Variants in CKAP5 observed in about 807,000 individuals in gnomAD.
CKAP5 encodes cytoskeleton associated protein 5, also known as cytoskeleton-associated protein 5.
In CKAP5, 27 loss-of-function variants were observed where a neutral mutation model predicts 232.8. The ratio of observed to expected loss-of-function variants is 0.12; its 90% CI spans 0.09 to 0.16. The LOEUF (loss-of-function observed/expected upper bound fraction) is 0.16. Among genes scored for constraint, CKAP5 ranks in the 10% least tolerant of loss-of-function variants. CKAP5 has a pLI of 1.00. For missense variants in CKAP5, 1,838 were observed against 2,424.7 expected (o/e 0.76, Z 5.08); for synonymous variants, 785 against 841.1 (o/e 0.93, Z 1.16).
intron 3 of CKAP5, among the ~76,000 whole-genome samples, chr11:46,816,972 G>T (rs1415776695): frequency 2.6e-5 from 4 of 151,908 alleles, no homozygotes; most frequent in Non-Finnish European, 5.9e-5. Context: ...CAGGTGTGGT[G>T]GCGCATGCCT....
intron 1 of CKAP5, among the ~76,000 whole-genome samples, chr11:46,828,035 G>A (rs1939695276): frequency 6.6e-6 from 1 of 152,202 alleles, no homozygotes; most frequent in African/African-American, 2.4e-5. Flanking sequence ...AAAGCCTTGG[G>A]CCATCATCAG....
chr11:46,778,975 G>A (rs560078389), intron 20 of CKAP5, among the ~76,000 whole-genome samples: 187 of 152,224 alleles, frequency 1.2e-3, no homozygotes, highest in Non-Finnish European at 2.2e-3. Flanking sequence ...CCCAGCTGAG[G>A]AGGCTGAGGC....
chr11:46,825,602 T>C (rs1278315377), intron 1 of CKAP5, among the ~76,000 whole-genome samples: 1 of 152,152 alleles, frequency 6.6e-6, no homozygotes, highest in Non-Finnish European at 1.5e-5. Flanking sequence ...ACAAGAGATC[T>C]GAATTTGATT....
chr11:46,834,246 C>T (rs1040141301), intron 1 of CKAP5, among the ~76,000 whole-genome samples: 1 of 152,128 alleles, frequency 6.6e-6, no homozygotes, highest in Non-Finnish European at 1.5e-5. Flanking sequence ...TGGCCTGGTG[C>T]GGTGGCTCAC....
intron 27 of CKAP5, among the ~76,000 whole-genome samples, chr11:46,766,547 C>CATGT (rs2065204082): frequency 6.6e-6 from 1 of 152,156 alleles, no homozygotes; most frequent in Non-Finnish European, 1.5e-5. Flanking sequence ...TGTAATAATA[C>CATGT]ATGTACTGGT....
At chr11:46,764,573 AATATAC>A (rs1221394162) in intron 28 of CKAP5, among the ~76,000 whole-genome samples, 1 of 152,232 alleles carries the variant, frequency 6.6e-6, no homozygotes, top group East Asian at 1.9e-4. Context: ...GCTATATAAA[AATATAC>A]ATATGATAGT....
intron 32 of CKAP5, among the ~76,000 whole-genome samples, chr11:46,761,091 G>A (rs919648437): frequency 1.3e-5 from 2 of 151,690 alleles, no homozygotes; most frequent in African/African-American, 4.8e-5. Flanking sequence ...TATACATAAA[G>A]TATAAAAATA....
At chr11:46,760,829 A>G (rs371928066) in intron 32 of CKAP5, 45 bp from the exon 33 acceptor site, 19 of 1,526,652 alleles carry the variant, frequency 1.2e-5, no homozygotes, top group African/African-American at 4.1e-5. Flanking sequence ...TAACACAATA[A>G]TATCTATTTT....
In CKAP5 at chr11:46,767,559, TAC is replaced by T; in HGVS notation, c.3411+14_3411+15del. ...TTAAAAGCAAGTCTACATCGAAGTA[TAC>T]AGAGTTAACATACCTTTGCTTTAGA... On this transcript the variant is annotated intron_variant, in intron 27 of 43. Coordinates refer to ENST00000529230, the MANE Select transcript of CKAP5 (RefSeq NM_001008938.4). 1 of 1,549,544 alleles carries T rather than the reference TAC, an allele frequency of 6.5e-7. No individual in the cohort carries two copies. Among genetic ancestry groups the T allele is most frequent in the Non-Finnish European group, 8.9e-7 (1 of 1,124,038 alleles).
chr11:46,834,637 A>C (rs901577264), intron 1 of CKAP5, among the ~76,000 whole-genome samples: 1 of 151,970 alleles, frequency 6.6e-6, no homozygotes, highest in Admixed American at 6.6e-5. Flanking sequence ...CAAGCAATCT[A>C]TTCCTTTTCA....
intron 4 of CKAP5, among the ~76,000 whole-genome samples, chr11:46,814,129 C>T (rs60106885): frequency 4.4e-5 from 2 of 45,726 alleles, no homozygotes; most frequent in African/African-American, 1.5e-4. Flanking sequence ...GAGACCTTGT[C>T]TCAAAAAAAA....
intron 35 of CKAP5, among the ~76,000 whole-genome samples, chr11:46,755,664 C>T (rs551601343): frequency 1.3e-4 from 20 of 151,794 alleles, no homozygotes; most frequent in East Asian, 9.7e-4. Context: ...CACAGTGGCT[C>T]ACATCTGTAA....
chr11:46,788,074 A>G (rs1323218970), intron 16 of CKAP5, among the ~76,000 whole-genome samples: 1 of 152,230 alleles, frequency 6.6e-6, no homozygotes, highest in East Asian at 1.9e-4. Context: ...TATACAATAC[A>G]TGTACCATTC....
chr11:46,785,005 C>G (rs1424688727), intron 16 of CKAP5, among the ~76,000 whole-genome samples: 1 of 152,064 alleles, frequency 6.6e-6, no homozygotes, highest in Non-Finnish European at 1.5e-5. Flanking sequence ...AATACACACC[C>G]TAAAATACAC....
intron 5 of CKAP5, 89 bp downstream of exon 5, chr11:46,810,918 T>C (rs1017278420): frequency 1.6e-5 from 19 of 1,177,752 alleles, no homozygotes; most frequent in Admixed American, 7.9e-5. Flanking sequence ...AAAATAATTA[T>C]TTTTAAGGAC....
intron 9 of CKAP5, among the ~76,000 whole-genome samples, chr11:46,800,535 C>T (rs983764493): frequency 2.0e-5 from 3 of 152,020 alleles, no homozygotes; most frequent in African/African-American, 7.2e-5. Flanking sequence ...TAATGCAGAC[C>T]GGATTTAGAG....
intron 12 of CKAP5, among the ~76,000 whole-genome samples, chr11:46,796,263 G>A (rs577401108): frequency 5.3e-5 from 8 of 150,844 alleles, no homozygotes; most frequent in Admixed American, 4.6e-4. Flanking sequence ...ATAGACATAC[G>A]TAAGATATTA....
intron 20 of CKAP5, among the ~76,000 whole-genome samples, chr11:46,779,129 TA>T (rs1412546840): frequency 1.3e-5 from 2 of 151,838 alleles, no homozygotes; most frequent in East Asian, 1.9e-4. Flanking sequence ...AAACAAAACA[TA>T]AAAATTTTTT....
chr11:46,751,367 T>C lies in CKAP5; in HGVS notation c.5301A>G (p.Leu1767=). ...IRTLKTLLHT[L]CKLKGPKILD... ...TCACCTTGGGCCCTTTTAATTTGCA[T>C]AAGGTGTGTAGCAGGGTCTTTAGGG... Residue 1767 remains leucine, a synonymous_variant, in exon 39 of 44, where the codon TTA becomes TTG. Coordinates refer to ENST00000529230, the MANE Select transcript of CKAP5 (RefSeq NM_001008938.4). 1 of 1,613,968 alleles carries C rather than the reference T, an allele frequency of 6.2e-7. No homozygotes were observed. Among genetic ancestry groups the C allele is most frequent in the East Asian group, 2.2e-5 (1 of 44,892 alleles).
Sources: allele counts gnomAD v4.1 joint callset (sites outside exome capture counted in the v4.1 genomes callset), GRCh38; gene constraint gnomAD v4.1.1; transcripts MANE v1.5; gene names NCBI Gene and HGNC (gene_info 2026-07-23, HGNC 2026-07-21).